LCNL1: variants seen among roughly 807,000 people sequenced by gnomAD.
The protein encoded by LCNL1 is lipocalin-like 1 protein.
Under a neutral mutation model 7.9 loss-of-function variants are expected in LCNL1, and 11 were observed. That is an observed-to-expected ratio of 1.40 (90% CI 0.88 to 2.32). LCNL1 has a LOEUF of 2.32. LCNL1 is among the 30% of genes most tolerant of loss of function. The probability of loss-of-function intolerance (pLI) is 0.00; values close to 1 mark genes in which losing one functional copy is unlikely to be tolerated. For missense variants in LCNL1, 218 were observed against 217.0 expected (o/e 1.00, Z -0.03); for synonymous variants, 90 against 92.5 (o/e 0.97, Z 0.15).
In LCNL1 at chr9:136,983,683, C is replaced by T. The variant is rs1361636959; in HGVS notation, c.97C>T (p.Leu33=). The T allele has an allele frequency of 6.2e-7, 1 of 1,613,874 alleles. No homozygotes were observed. Among genetic ancestry groups the T allele is most frequent in the East Asian group, 2.2e-5 (1 of 44,906 alleles). ...VLVTPLGNGD[L]ALKFGYPTPH... Reference sequence around the variant, plus strand: ...AGTGACCCCCTTGGGGAATGGTGACCTGGCCCTCAAGTTTGGATACCCCAC... The same window carrying T: ...AGTGACCCCCTTGGGGAATGGTGACTTGGCCCTCAAGTTTGGATACCCCAC... Residue 33 remains leucine (L), a synonymous_variant, in exon 1 of 3, where the codon CTG becomes TTG. Transcript: ENST00000408973.
In LCNL1 at chr9:136,984,543, CG is replaced by C. The variant is rs1830476670; in HGVS notation, c.180del (p.Gln61SerfsTer9). ...MDTTFTEGAVPGQFSNPAMAL... is the reference protein window; with the variant it reads ...MDTTFTEGAVXGQFSNPAMAL... ...ACGACCTTCACCGAGGGTGCTGTAC[CG>C]GGGCAGTTCAGCAACCCAGGTGAGG... On this transcript the variant is annotated frameshift_variant, in exon 2 of 3. Transcript: ENST00000408973. LOFTEE classifies it low-confidence loss of function (END_TRUNC). The C allele has an allele frequency of 1.3e-6, 2 of 1,574,576 alleles. No homozygotes were observed. The highest frequency in any genetic ancestry group is 1.7e-6 in the Non-Finnish European group (2 of 1,159,858).
Position 136,983,532 on chromosome 9 carries a change from G to A in LCNL1, c.-55G>A. 2 of 1,602,294 alleles carry A rather than the reference G, an allele frequency of 1.2e-6. No homozygotes were observed. The highest frequency in any genetic ancestry group is 1.1e-5 in the South Asian group (1 of 90,812). ...TGGTGGGCTCAGGCCCAGGGCACAG[G>A]GGCGGCCTCCCAGCCTTCCCTGCAC... On this transcript the variant is annotated 5_prime_UTR_variant, in exon 1 of 3. Transcript: ENST00000408973.
At position 136,983,187 on chromosome 9, in the gene LCNL1, GGGGT is replaced by G; in HGVS notation, c.-399_-396del. On this transcript the variant is annotated 5_prime_UTR_variant, in exon 1 of 3. Transcript: ENST00000408973. ...TCACCCGCTCCGTCTGACTGGAGTA[GGGGT>G]TGGCTGGGGAAGACTGCAGCCTCCA... The G allele has an allele frequency of 4.7e-6, 1 of 212,972 alleles. No individual in the cohort carries two copies. The highest frequency in any genetic ancestry group is 5.0e-5 in the Admixed American group (1 of 19,870). The allele number at this position is 212,972 out of a possible 1,614,324, so 13.2% of individuals were successfully genotyped here.
chr9:136,984,146 G>T, intron 1 of LCNL1: 1 of 425,582 alleles, frequency 2.3e-6, no homozygotes. Flanking sequence ...ATCTCTGTGT[G>T]TGTCTTGTGT....
chr9:136,983,653 G>C lies in LCNL1; in HGVS notation c.67G>C (p.Val23Leu). Residue 23 changes from valine (V) to leucine (L), a missense_variant, in exon 1 of 3, where the codon GTC (valine) becomes CTC (leucine). By Grantham distance (32) the Val-to-Leu change is conservative. Coordinates refer to ENST00000408973, the MANE Select transcript of LCNL1 (RefSeq NM_207510.4). ...CAAGGACACCATGAAGATGGCTGTG[G>C]TCTTAGTGACCCCCTTGGGGAATGG... Reference protein sequence around the residue: ...DSKDTMKMAVVLVTPLGNGDL... With the variant: ...DSKDTMKMAVLLVTPLGNGDL... The C allele has an allele frequency of 6.2e-7, 1 of 1,614,044 alleles. No homozygotes were observed. The highest frequency in any genetic ancestry group is 8.5e-7 in the Non-Finnish European group (1 of 1,179,974).
At chr9:136,984,138 C>G in intron 1 of LCNL1, 1 of 416,542 alleles carries the variant, frequency 2.4e-6, no homozygotes. Flanking sequence ...GTGTGTCTAT[C>G]TCTGTGTGTG....
At position 136,985,044 on chromosome 9, in the gene LCNL1, C is replaced by T. The variant is rs923706140; in HGVS notation, c.*33C>T. 1.4e-5 allele frequency: 20 copies of T among 1,436,380 alleles called. No individual in the cohort carries two copies. In the African/African-American group the frequency reaches 2.6e-4, roughly 19 times the overall value. The allele number at this position is 1,436,380 out of a possible 1,614,324, so 89.0% of individuals were successfully genotyped here. Reference sequence around the variant, plus strand: ...GCCCTCCCCACCTTCAGCTCGAGCGCCCGAGCTGTTTCCCGAAGGCGCCCA... The same window carrying T: ...GCCCTCCCCACCTTCAGCTCGAGCGTCCGAGCTGTTTCCCGAAGGCGCCCA... On this transcript the variant is annotated 3_prime_UTR_variant, in exon 3 of 3. Transcript: ENST00000408973.
chr9:136,984,008 GTGTC>G (rs974281765), intron 1 of LCNL1: 12 of 450,030 alleles, frequency 2.7e-5, no homozygotes, highest in East Asian at 1.5e-4. Context: ...GCATGTGTGT[GTGTC>G]TGTGTGTGCG....
intron 1 of LCNL1, 21 bp from the exon 2 acceptor site, chr9:136,984,468 GA>G: frequency 6.5e-7 from 1 of 1,543,440 alleles, no homozygotes; most frequent in Non-Finnish European, 8.7e-7. Context: ...CCACTCAGGG[GA>G]TTGGGGCTCT....
chr9:136,985,047 G>T lies in LCNL1; in HGVS notation c.*36G>T. On this transcript the variant is annotated 3_prime_UTR_variant, in exon 3 of 3. Transcript: ENST00000408973. ...CTCCCCACCTTCAGCTCGAGCGCCC[G>T]AGCTGTTTCCCGAAGGCGCCCAGAA... is the stretch of plus-strand genomic sequence containing the variant. The T allele has an allele frequency of 4.9e-6, 7 of 1,422,290 alleles. No individual in the cohort carries two copies. Among genetic ancestry groups the T allele is most frequent in the Non-Finnish European group, 6.5e-6 (7 of 1,078,654 alleles). 88.1% of individuals were successfully genotyped at this position (1,422,290 alleles called of 1,614,324 possible).
At chr9:136,984,197 GTCTA>G (rs1341566561) in intron 1 of LCNL1, 3 of 473,132 alleles carry the variant, frequency 6.3e-6, no homozygotes, top group African/African-American at 3.9e-5. Context: ...CTGTGTCTGT[GTCTA>G]TCTCCGTGTG....
chr9:136,983,701 T>C lies in LCNL1; in HGVS notation c.115T>C (p.Tyr39His), dbSNP rs560641549. 1.9e-6 allele frequency: 3 copies of C among 1,613,754 alleles called. No individual in the cohort carries two copies. The highest frequency in any genetic ancestry group is 3.3e-5 in the Admixed American group (2 of 60,032). The part of the protein sequence containing the change: ...GNGDLALKFG[Y>H]PTPHGGCQKM... ...TGGTGACCTGGCCCTCAAGTTTGGATACCCCACGTAAGTGACCACACGAGC... is the reference window on the plus strand; with the variant it reads ...TGGTGACCTGGCCCTCAAGTTTGGACACCCCACGTAAGTGACCACACGAGC... The change falls in exon 1 of 3, where the codon TAC becomes CAC. Residue 39 changes from tyrosine to histidine, a missense_variant. Transcript: ENST00000408973.
In LCNL1 at chr9:136,984,800, G is replaced by A. The variant is rs376248166; in HGVS notation, c.284G>A (p.Arg95Gln). The change falls in exon 3 of 3, where the codon CGG becomes CAG. Residue 95 changes from arginine to glutamine, a missense_variant. Physicochemically the swap from Arg to Gln is conservative, Grantham distance 43. Transcript: ENST00000408973. ...LYLEMRKGGL[R>Q]NQWLQLYGGR... ...TTGGAGATGCGGAAAGGGGGCCTGC[G>A]GAACCAGTGGCTGCAGCTCTACGGT... is the stretch of plus-strand genomic sequence containing the variant. 4.4e-6 allele frequency: 7 copies of A among 1,578,712 alleles called. No individual in the cohort carries two copies. The highest frequency in any genetic ancestry group is 4.1e-5 in the African/African-American group (3 of 74,060).
At position 136,983,601 on chromosome 9, in the gene LCNL1, G is replaced by T; in HGVS notation, c.15G>T (p.Val5=). The T allele has an allele frequency of 6.2e-7, 1 of 1,613,804 alleles. No homozygotes were observed. The highest frequency in any genetic ancestry group is 8.5e-7 in the Non-Finnish European group (1 of 1,179,824). ...GCACCTGGTACATGGTCGGGGTGGT[G>T]TCAGATGACCAGGACTTCCTGGACT... MVGV[V]SDDQDFLDSK... Residue 5 remains valine (V), a synonymous_variant, in exon 1 of 3, where the codon GTG becomes GTT. Transcript: ENST00000408973.
chr9:136,984,966 C>G lies in LCNL1; in HGVS notation c.450C>G (p.Pro150=). ...WCLWPRVPAP[P]CPSLPLFAPP... is the part of the protein sequence containing the mutation. ...TGTGGCCGCGGGTCCCGGCCCCTCC[C>G]TGCCCCTCTCTCCCTCTCTTCGCCC... Residue 150 remains proline, a synonymous_variant, in exon 3 of 3, where the codon CCC becomes CCG. Transcript: ENST00000408973. The G allele has an allele frequency of 6.5e-7, 1 of 1,549,878 alleles. No homozygotes were observed. The highest frequency in any genetic ancestry group is 8.7e-7 in the Non-Finnish European group (1 of 1,146,200).
Position 136,985,362 on chromosome 9 carries a change from C to T in LCNL1, c.*351C>T, listed in dbSNP as rs187097433. On this transcript the variant is annotated 3_prime_UTR_variant, in exon 3 of 3. Coordinates refer to ENST00000408973, the MANE Select transcript of LCNL1 (RefSeq NM_207510.4). ...GGGGCCTCCGTCCCAGGGAAGGGGGCGCGGGGTGGCGCCTCAGGCTCGATC... is the reference window on the plus strand; with the variant it reads ...GGGGCCTCCGTCCCAGGGAAGGGGGTGCGGGGTGGCGCCTCAGGCTCGATC... 3 of 265,468 alleles carry T rather than the reference C, an allele frequency of 1.1e-5. No homozygotes were observed. The Admixed American group carries it at 1.6e-4, about 14-fold the overall frequency. The allele number at this position is 265,468 out of a possible 1,614,324, so 16.4% of individuals were successfully genotyped here.
chr9:136,983,899 A>G lies in LCNL1; in HGVS notation c.122+191A>G, dbSNP rs1394854633. 9.1e-6 allele frequency: 6 copies of G among 658,420 alleles called. No homozygotes were observed. In the African/African-American group the frequency reaches 1.1e-4, roughly 12 times the overall value. 40.8% of individuals were successfully genotyped at this position (658,420 alleles called of 1,614,324 possible). ...GAGGGACCCAGGCCCTGGAGGAAGC[A>G]CTGCCTGAGGCCTGGTGTTGAGAAA... On this transcript the variant is annotated intron_variant, in intron 1 of 2. Transcript: ENST00000408973.
intron 2 of LCNL1, 44 bp from the exon 3 acceptor site, chr9:136,984,669 G>A (rs1830478717): frequency 6.6e-7 from 1 of 1,514,676 alleles, no homozygotes; most frequent in African/African-American, 1.4e-5. Context: ...ACGCTCGGGG[G>A]GGAGGTGCCC....
In LCNL1 at chr9:136,983,193, G is replaced by GTA; in HGVS notation, c.-394_-393insTA. ...GCTCCGTCTGACTGGAGTAGGGGTTGGCTGGGGAAGACTGCAGCCTCCATC... is the reference window on the plus strand; with the variant it reads ...GCTCCGTCTGACTGGAGTAGGGGTTGTAGCTGGGGAAGACTGCAGCCTCCATC... On this transcript the variant is annotated 5_prime_UTR_variant, in exon 1 of 3. Transcript: ENST00000408973. 1 of 214,442 alleles carries GTA rather than the reference G, an allele frequency of 4.7e-6. No individual in the cohort carries two copies. Among genetic ancestry groups the GTA allele is most frequent in the Admixed American group, 5.0e-5 (1 of 20,012 alleles). 13.3% of individuals were successfully genotyped at this position (214,442 alleles called of 1,614,324 possible). A position where few individuals can be genotyped will look rare whatever the true frequency, so the allele number is the denominator to read the frequency against.
Sources: gnomAD v4.1 joint callset for allele counts on GRCh38, gnomAD v4.1.1 for gene constraint, MANE v1.5 for transcripts, NCBI Gene and HGNC (gene_info 2026-07-23, HGNC 2026-07-21) for gene names.